The following IFT74 variants were observed in gnomAD, a reference collection of about 807,000 sequenced individuals.
The protein encoded by IFT74 is intraflagellar transport 74.
In IFT74, 92 loss-of-function variants were observed where a neutral mutation model predicts 96.7. That is an observed-to-expected ratio of 0.95 (90% CI 0.80 to 1.13). The LOEUF is 1.13. Ranked by LOEUF, IFT74 falls within the 50% of genes most tolerant of loss-of-function variation. IFT74 has a pLI of 0.00. For synonymous variants in IFT74, 223 were observed against 213.2 expected, an observed-to-expected ratio of 1.05 and a Z score of -0.40; for missense variants, 811 against 698.2, an observed-to-expected ratio of 1.16 and a Z score of -1.82.
At chr9:26,989,310 G>A (rs944184404) in intron 7 of IFT74, among the ~76,000 whole-genome samples, 4 of 151,954 alleles carry the variant, frequency 2.6e-5, no homozygotes, top group Non-Finnish European at 5.9e-5. Flanking sequence ...AAACCTTACC[G>A]TTATACAATA....
At chr9:27,049,940 A>G (rs186174496) in intron 16 of IFT74, among the ~76,000 whole-genome samples, 2,469 of 152,272 alleles carry the variant, frequency 0.016, 123 homozygotes, top group Admixed American at 0.11. Context: ...TTTTAATAAT[A>G]TATTGTATTT....
At chr9:26,972,739 G>A (rs574068747) in intron 2 of IFT74, among the ~76,000 whole-genome samples, 11 of 152,204 alleles carry the variant, frequency 7.2e-5, no homozygotes, top group African/African-American at 2.6e-4. Context: ...CAGGGGTAAG[G>A]ACACAATTCA....
At chr9:27,005,826 C>T (rs1394458871) in intron 8 of IFT74, 1 of 150,004 alleles carries the variant, frequency 6.7e-6, no homozygotes, top group Non-Finnish European at 1.5e-5. Flanking sequence ...GTTTGCCTAA[C>T]CTTTGTGTTT....
At position 26,980,546 on chromosome 9, in the gene IFT74, TAACAC is replaced by T; in HGVS notation, c.257-24_257-20del. ...TCTGGTGGCATTTCGAACTGAACAC[TAACAC>T]TTAAAACATTTTTTTTTAGGTCCCC... is the stretch of plus-strand genomic sequence containing the variant. On this transcript the variant is annotated intron_variant, in intron 3 of 19. Transcript: ENST00000380062. 2 of 1,529,376 alleles carry T rather than the reference TAACAC, an allele frequency of 1.3e-6. No homozygotes were observed. Among genetic ancestry groups the T allele is most frequent in the Non-Finnish European group, 1.8e-6 (2 of 1,103,156 alleles). 94.7% of individuals were successfully genotyped at this position (1,529,376 alleles called of 1,614,324 possible).
rs748675324 is a variant in IFT74 at position 26,988,748 on chromosome 9, C to T, written c.525+20C>T. ...AATATGGTAAGAAAATTTATAAAAG[C>T]AAATTGATCTATGTAAGTCATATCC... is the stretch of plus-strand genomic sequence containing the variant. On this transcript the variant is annotated intron_variant, in intron 7 of 19. Coordinates refer to ENST00000380062, the MANE Select transcript of IFT74 (RefSeq NM_025103.4). The T allele has an allele frequency of 1.3e-5, 19 of 1,504,042 alleles. No individual in the cohort carries two copies. The highest frequency in any genetic ancestry group is 1.6e-5 in the Non-Finnish European group (18 of 1,103,178). The allele number at this position is 1,504,042 out of a possible 1,614,324, so 93.2% of individuals were successfully genotyped here.
At chr9:27,006,881 G>T (rs1416106935) in intron 8 of IFT74, among the ~76,000 whole-genome samples, 1 of 139,646 alleles carries the variant, frequency 7.2e-6, no homozygotes, top group African/African-American at 2.7e-5. Flanking sequence ...CTGTCACCCA[G>T]GCTGGAGTGT....
At chr9:26,948,944 TTTTTTTTAAAC>T (rs915427429) in intron 1 of IFT74, among the ~76,000 whole-genome samples, 10 of 152,176 alleles carry the variant, frequency 6.6e-5, no homozygotes, top group Non-Finnish European at 1.0e-4. Context: ...TACATGCATT[TTTTTTTTAAAC>T]TTAGAATTCC....
chr9:27,048,292 A>G lies in IFT74; in HGVS notation c.1333+18A>G. The G allele has an allele frequency of 6.5e-7, 1 of 1,530,290 alleles. No individual in the cohort carries two copies. 94.8% of individuals were successfully genotyped at this position (1,530,290 alleles called of 1,614,324 possible). On this transcript the variant is annotated intron_variant, in intron 16 of 19. Coordinates refer to ENST00000380062, the MANE Select transcript of IFT74 (RefSeq NM_025103.4). Reference sequence around the variant, plus strand: ...GACTTCAGGTGAGAAAACAACCTAGATTTTAATATTCTTTTTTTTTAAAAT... The same window carrying G: ...GACTTCAGGTGAGAAAACAACCTAGGTTTTAATATTCTTTTTTTTTAAAAT...
At chr9:26,953,103 T>C (rs1825983992), upstream of IFT74, among the ~76,000 whole-genome samples, 1 of 152,188 alleles carries the variant, frequency 6.6e-6, no homozygotes, top group Non-Finnish European at 1.5e-5. Flanking sequence ...GTGGTGTTCT[T>C]CCGGGCCATA....
intron 16 of IFT74, among the ~76,000 whole-genome samples, chr9:27,050,470 T>G (rs1819871883): frequency 6.6e-6 from 1 of 152,164 alleles, no homozygotes; most frequent in Non-Finnish European, 1.5e-5. Flanking sequence ...TTAAAGAGAC[T>G]AGGATAAGGT....
In IFT74 at chr9:27,058,232, C is replaced by T. The variant is rs1820260123; in HGVS notation, c.1623+1773C>T. On this transcript the variant is annotated intron_variant, in intron 18 of 19. Transcript: ENST00000380062. ...GCCACTGAGTAGCTAGGACTACAGG[C>T]ACAGACCACCATGCTCAGCCAATTT... Among the ~76,000 whole-genome samples the T allele has an allele frequency of 2.0e-5, 3 of 151,734 alleles. No homozygotes were observed. In the South Asian group the frequency reaches 6.2e-4, roughly 32 times the overall value.
intron 16 of IFT74, among the ~76,000 whole-genome samples, chr9:27,055,310 A>G (rs984051692): frequency 4.5e-4 from 68 of 152,260 alleles, no homozygotes; most frequent in African/African-American, 1.4e-3. Context: ...TCTTTATCTC[A>G]TAATATAGAT....
chr9:26,997,671 C>T, intron 8 of IFT74: 1 of 1,510,330 alleles, frequency 6.6e-7, no homozygotes, highest in South Asian at 1.4e-5. Flanking sequence ...AGAGATTTTT[C>T]TGTGGTGGAA....
At chr9:27,039,664 T>G (rs1370109006) in intron 13 of IFT74, among the ~76,000 whole-genome samples, 1 of 152,190 alleles carries the variant, frequency 6.6e-6, no homozygotes, top group Non-Finnish European at 1.5e-5. Flanking sequence ...GACAACACAG[T>G]GTAACAACCA....
At chr9:26,968,101 T>C (rs1826707477) in intron 2 of IFT74, among the ~76,000 whole-genome samples, 1 of 150,820 alleles carries the variant, frequency 6.6e-6, no homozygotes, top group African/African-American at 2.4e-5. Context: ...ATAATACTGG[T>C]CTTGTAGAAT....
chr9:26,961,051 G>T (rs530546295), intron 1 of IFT74, among the ~76,000 whole-genome samples: 25 of 150,214 alleles, frequency 1.7e-4, no homozygotes, highest in African/African-American at 5.6e-4. Context: ...CAATATTGTT[G>T]CATTCCCAGA....
intron 8 of IFT74, chr9:26,997,714 T>G: frequency 1.3e-6 from 2 of 1,573,236 alleles, no homozygotes; most frequent in Non-Finnish European, 1.7e-6. Context: ...TTTTGCTTAA[T>G]TATGATAGCT....
At chr9:27,020,131 A>G (rs1416708629) in intron 12 of IFT74, among the ~76,000 whole-genome samples, 2 of 151,866 alleles carry the variant, frequency 1.3e-5, no homozygotes, top group South Asian at 2.1e-4. Flanking sequence ...ACACAGCACC[A>G]TACCCGGCTA....
At chr9:26,961,327 T>C (rs1414777619) in intron 1 of IFT74, among the ~76,000 whole-genome samples, 1 of 152,090 alleles carries the variant, frequency 6.6e-6, no homozygotes, top group Non-Finnish European at 1.5e-5. Context: ...GCTGACCTCA[T>C]GATCCACCTG....
Sources: gnomAD v4.1 joint callset for allele counts (sites outside exome capture counted in the v4.1 genomes callset) on GRCh38, gnomAD v4.1.1 for gene constraint, MANE v1.5 for transcripts, NCBI Gene and HGNC (gene_info 2026-07-23, HGNC 2026-07-21) for gene names.